Variants in PRKDC observed in about 807,000 individuals in gnomAD.
PRKDC encodes the protein DNA-dependent protein kinase catalytic subunit.
In PRKDC, 82 loss-of-function variants were observed where a neutral mutation model predicts 486.9. The observed-to-expected ratio is 0.17, with a 90% CI of 0.14 to 0.20. PRKDC has a LOEUF of 0.20. Ranked by LOEUF, PRKDC falls within the 10% of genes least tolerant of loss-of-function variation. PRKDC has a pLI of 1.00. For synonymous variants in PRKDC, 1,895 were observed against 1,837.0 expected (o/e 1.03, Z -0.81); for missense variants, 4,504 against 5,038.2 (o/e 0.89, Z 3.21).
intron 72 of PRKDC, 31 bp downstream of exon 72, chr8:47,799,179 T>G (rs189633984): frequency 2.5e-6 from 4 of 1,612,290 alleles, no homozygotes; most frequent in Non-Finnish European, 3.4e-6. Flanking sequence ...GCTGACATAA[T>G]GGAACACTAG....
At chr8:47,881,668 T>G in intron 37 of PRKDC, 148 bp from the exon 38 acceptor site, 1 of 617,828 alleles carries the variant, frequency 1.6e-6, no homozygotes, top group Non-Finnish European at 2.7e-6. Context: ...TTGTAAAACA[T>G]TGTAATACTA....
intron 10 of PRKDC, among the ~76,000 whole-genome samples, chr8:47,941,814 G>T (rs1250762750): frequency 1.3e-5 from 2 of 152,226 alleles, no homozygotes; most frequent in African/African-American, 4.8e-5. Flanking sequence ...TTTCTCACGA[G>T]GTAGAGATTA....
chr8:47,887,062 A>T (rs2089350503), intron 35 of PRKDC, among the ~76,000 whole-genome samples: 3 of 152,202 alleles, frequency 2.0e-5, no homozygotes, highest in African/African-American at 7.2e-5. Context: ...AGAAGAAAGA[A>T]AGTTGGGATG....
chr8:47,831,459 G>C (rs2087871602), intron 60 of PRKDC, among the ~76,000 whole-genome samples: 1 of 152,200 alleles, frequency 6.6e-6, no homozygotes, highest in African/African-American at 2.4e-5. Context: ...CTGTCCTCGG[G>C]GCACCGTGGG....
chr8:47,882,656 C>T (rs2089246100), intron 36 of PRKDC, among the ~76,000 whole-genome samples: 1 of 152,192 alleles, frequency 6.6e-6, no homozygotes, highest in Non-Finnish European at 1.5e-5. Flanking sequence ...CAACTACCAT[C>T]ATACATGCAC....
chr8:47,818,240 TA>T (rs1453157607), intron 67 of PRKDC, among the ~76,000 whole-genome samples: 1 of 152,034 alleles, frequency 6.6e-6, no homozygotes, highest in East Asian at 1.9e-4. Flanking sequence ...TATAAGCCTC[TA>T]AAAAATGAGG....
chr8:47,903,066 T>C (rs556519332), intron 26 of PRKDC, among the ~76,000 whole-genome samples: 2 of 152,260 alleles, frequency 1.3e-5, no homozygotes, highest in South Asian at 2.1e-4. Context: ...AAAACTTTAA[T>C]TATAACAAAA....
At chr8:47,933,449 T>G (rs906740047) in intron 15 of PRKDC, among the ~76,000 whole-genome samples, 4 of 152,218 alleles carry the variant, frequency 2.6e-5, no homozygotes, top group Non-Finnish European at 5.9e-5. Flanking sequence ...AGGCCAATCC[T>G]TGTCAAAGCA....
chr8:47,865,575 T>C (rs1306606528), intron 40 of PRKDC, among the ~76,000 whole-genome samples: 1 of 152,094 alleles, frequency 6.6e-6, no homozygotes. Context: ...AATGCAGAGT[T>C]AGTATCTTCA....
Position 47,858,964 on chromosome 8 carries a change from T to C in PRKDC, c.6230A>G (p.His2077Arg), listed in dbSNP as rs775809811. ...RRREQRDPTV[H>R]DDVLELEMDE... Reference sequence around the variant, plus strand: ...CATCTCCAGCTCCAGCACATCATCATGCACCGTGGGGTCCCGCTGCTCCTG... The same window carrying C: ...CATCTCCAGCTCCAGCACATCATCACGCACCGTGGGGTCCCGCTGCTCCTG... The change falls in exon 47 of 86, where the codon CAT becomes CGT. Residue 2077 changes from histidine (H) to arginine (R), a missense_variant. Coordinates refer to ENST00000314191, the MANE Select transcript of PRKDC (RefSeq NM_006904.7). 3.7e-6 allele frequency: 6 copies of C among 1,613,328 alleles called. No individual in the cohort carries two copies. The highest frequency in any genetic ancestry group is 1.7e-5 in the Admixed American group (1 of 60,024).
At chr8:47,947,862 C>G (rs916045462) in intron 7 of PRKDC, among the ~76,000 whole-genome samples, 1 of 152,002 alleles carries the variant, frequency 6.6e-6, no homozygotes, top group Non-Finnish European at 1.5e-5. Flanking sequence ...GAGCCAAGAT[C>G]GCGCCACTGC....
chr8:47,953,788 G>A lies in PRKDC; in HGVS notation c.621+19C>T. On this transcript the variant is annotated intron_variant, in intron 6 of 85. Coordinates refer to ENST00000314191, the MANE Select transcript of PRKDC (RefSeq NM_006904.7). The stretch of plus-strand genomic sequence containing the variant: ...ACAACCACATCTATGGAAGCAGAAT[G>A]TCATAAAGTTCATCATACCTGGGTC... 1.9e-6 allele frequency: 3 copies of A among 1,573,780 alleles called. No individual in the cohort carries two copies. The highest frequency in any genetic ancestry group is 2.6e-6 in the Non-Finnish European group (3 of 1,157,088).
intron 60 of PRKDC, 94 bp downstream of exon 60, chr8:47,831,720 T>C: frequency 2.2e-6 from 3 of 1,341,792 alleles, no homozygotes; most frequent in Non-Finnish European, 3.2e-6. Flanking sequence ...CAGGTGACAT[T>C]GGAGGCAGTG....
chr8:47,783,271 CTT>C (rs1178565265), intron 78 of PRKDC, among the ~76,000 whole-genome samples: 3 of 127,384 alleles, frequency 2.4e-5, no homozygotes, highest in Admixed American at 9.1e-5. Context: ...GAATGAGACT[CTT>C]GTCTCAAAAA....
chr8:47,883,265 G>A (rs1381785106), intron 36 of PRKDC, among the ~76,000 whole-genome samples: 4 of 152,178 alleles, frequency 2.6e-5, no homozygotes, highest in African/African-American at 9.7e-5. Flanking sequence ...CCACACTGCC[G>A]CTGAGAAGAC....
At position 47,782,486 on chromosome 8, in the gene PRKDC, C is replaced by A; in HGVS notation, c.11288G>T (p.Arg3763Leu). 6.3e-7 allele frequency: 1 copy of A among 1,581,818 alleles called. No homozygotes were observed. The highest frequency in any genetic ancestry group is 1.3e-5 in the African/African-American group (1 of 74,416). The change falls in exon 79 of 86, where the codon CGC becomes CTC. Residue 3763 changes from arginine (R) to leucine (L), a missense_variant. Transcript: ENST00000314191. The surrounding 1 kb of genome is among the most constrained non-coding windows in gnomAD (Gnocchi z 4.9). Reference sequence around the variant, plus strand: ...CATGACCTGGAAGAGCTGCTCCACGCGCTGGTCCTGCCGCAGGTCCTCGCC... The same window carrying A: ...CATGACCTGGAAGAGCTGCTCCACGAGCTGGTCCTGCCGCAGGTCCTCGCC... ...KGGEDLRQDQ[R>L]VEQLFQVMNG... is the part of the protein sequence containing the mutation.
chr8:47,890,654 CAT>C (rs1221618463), intron 31 of PRKDC, among the ~76,000 whole-genome samples, 174 bp from the exon 32 acceptor site: 1 of 152,144 alleles, frequency 6.6e-6, no homozygotes, highest in Non-Finnish European at 1.5e-5. Context: ...TATTTTTTCT[CAT>C]ATCAAAGGAC....
intron 77 of PRKDC, chr8:47,784,175 G>T: frequency 5.6e-6 from 1 of 178,118 alleles, no homozygotes; most frequent in South Asian, 1.3e-4. Context: ...GGAGAATGGC[G>T]TGAACTCGGG....
At chr8:47,925,007 A>ACGT (rs2090133547) in intron 21 of PRKDC, among the ~76,000 whole-genome samples, 1 of 152,162 alleles carries the variant, frequency 6.6e-6, no homozygotes, top group Non-Finnish European at 1.5e-5. Flanking sequence ...CCAACATCCC[A>ACGT]GACAGCTGTC....
Sources: gnomAD v4.1 joint callset for allele counts (sites outside exome capture counted in the v4.1 genomes callset) on GRCh38, gnomAD v4.1.1 for gene constraint, Gnocchi (gnomAD v3.1) non-coding constraint, MANE v1.5 for transcripts, NCBI Gene and HGNC (gene_info 2026-07-23, HGNC 2026-07-21) for gene names.